ADAMTSL1: variants seen among roughly 807,000 people sequenced by gnomAD.
ADAMTSL1 encodes ADAMTS like 1.
ADAMTSL1 carries 126 observed loss-of-function variants against 201.8 expected under a neutral mutation model. The ratio of observed to expected loss-of-function variants is 0.62; its 90% CI spans 0.54 to 0.72. The LOEUF is 0.72. Ranked by LOEUF, ADAMTSL1 falls within the 30% of genes least tolerant of loss-of-function variation. ADAMTSL1 has a pLI of 0.00. For missense variants in ADAMTSL1, 2,679 were observed against 2,277.8 expected (o/e 1.18, Z -3.59); for synonymous variants, 1,121 against 903.4 (o/e 1.24, Z -4.32).
intron 1 of ADAMTSL1, among the ~76,000 whole-genome samples, chr9:18,066,237 AT>A (rs753419984): frequency 6.6e-6 from 1 of 152,126 alleles, no homozygotes; most frequent in Non-Finnish European, 1.5e-5. Flanking sequence ...CTGCTGTATA[AT>A]AAAGATTTTG....
chr9:17,979,237 A>G (rs1444332761), intron 1 of ADAMTSL1, among the ~76,000 whole-genome samples: 1 of 151,920 alleles, frequency 6.6e-6, no homozygotes, highest in Non-Finnish European at 1.5e-5. Flanking sequence ...GTTTCCAGTC[A>G]TTATTTCTTT....
intron 1 of ADAMTSL1, among the ~76,000 whole-genome samples, chr9:18,125,182 G>C (rs923762440): frequency 5.9e-5 from 9 of 152,190 alleles, no homozygotes; most frequent in African/African-American, 1.9e-4. Context: ...AATCATGGTG[G>C]AAGGCAAGGA....
chr9:18,500,117 G>C (rs1822757010), intron 1 of ADAMTSL1, among the ~76,000 whole-genome samples: 8 of 152,122 alleles, frequency 5.3e-5, no homozygotes, highest in Admixed American at 5.2e-4. Flanking sequence ...GTGTCTATTG[G>C]GCAGTGAGCT....
intron 28 of ADAMTSL1, chr9:18,907,226 G>T: frequency 2.7e-6 from 1 of 368,868 alleles, no homozygotes; most frequent in South Asian, 3.5e-5. Context: ...TGCCCACAGG[G>T]TCTGACTCAT....
At chr9:18,598,509 C>G (rs1323213104) in intron 4 of ADAMTSL1, among the ~76,000 whole-genome samples, 1 of 151,964 alleles carries the variant, frequency 6.6e-6, no homozygotes, top group African/African-American at 2.4e-5. Context: ...TTGTTTGTCC[C>G]TTTCACCATT....
At chr9:18,820,137 G>A (rs1466633716) in intron 21 of ADAMTSL1, among the ~76,000 whole-genome samples, 1 of 152,084 alleles carries the variant, frequency 6.6e-6, no homozygotes, top group Non-Finnish European at 1.5e-5. Context: ...CAGGGAAGAG[G>A]GACTCCATAA....
chr9:18,318,459 A>G (rs1346889516), intron 2 of ADAMTSL1, among the ~76,000 whole-genome samples: 2 of 152,232 alleles, frequency 1.3e-5, no homozygotes, highest in African/African-American at 4.8e-5. Flanking sequence ...GCAGTAATCT[A>G]CGTTTCAGCA....
intron 3 of ADAMTSL1, among the ~76,000 whole-genome samples, chr9:18,572,438 C>G (rs1335338106): frequency 6.6e-6 from 1 of 152,030 alleles, no homozygotes; most frequent in Non-Finnish European, 1.5e-5. Flanking sequence ...TCTTTTCAGA[C>G]AATATTCAAA....
In ADAMTSL1 at chr9:18,781,890, AT is replaced by A. The variant is rs1350054401; in HGVS notation, c.3677+3987del. Among the ~76,000 whole-genome samples the A allele has an allele frequency of 7.2e-5, 11 of 152,328 alleles. No individual in the cohort carries two copies. In the South Asian group the frequency reaches 2.3e-3, roughly 32 times the overall value. On this transcript the variant is annotated intron_variant, in intron 19 of 28. Coordinates refer to ENST00000380548, the MANE Select transcript of ADAMTSL1 (RefSeq NM_001040272.6). ...TTGCTTTTAAATATTCCAAAGTTTG[AT>A]TTGAAAGAATTTAGTTTTAGAAAAG... is the stretch of plus-strand genomic sequence containing the variant.
At chr9:18,822,258 A>G (rs1285258507) in intron 21 of ADAMTSL1, among the ~76,000 whole-genome samples, 1 of 152,144 alleles carries the variant, frequency 6.6e-6, no homozygotes, top group Non-Finnish European at 1.5e-5. Context: ...AGCAGGCTAG[A>G]AAAGATCATC....
chr9:18,066,805 C>T (rs1245840455), intron 1 of ADAMTSL1, among the ~76,000 whole-genome samples: 3 of 152,044 alleles, frequency 2.0e-5, no homozygotes, highest in African/African-American at 7.2e-5. Context: ...TACTATGCAG[C>T]CATAAAAAAT....
At chr9:18,129,741 T>C (rs185123207) in intron 1 of ADAMTSL1, among the ~76,000 whole-genome samples, 5 of 152,324 alleles carry the variant, frequency 3.3e-5, no homozygotes, top group African/African-American at 1.2e-4. Context: ...AAATTCCTTT[T>C]CAACCCTGAG....
At position 18,588,420 on chromosome 9, in the gene ADAMTSL1, T is replaced by C. The variant is rs987142312; in HGVS notation, c.474+14154T>C. Among the ~76,000 whole-genome samples the C allele has an allele frequency of 1.7e-4, 26 of 151,932 alleles. 1 individual carries two copies. The highest frequency in any genetic ancestry group is 3.1e-4 in the African/African-American group (13 of 41,444). ...TTTCTCCCGTTCTGTAAGTTGGCTT[T>C]TCCCTTTTTGTTTTCTTTGCTGTGC... is the stretch of plus-strand genomic sequence containing the variant. On this transcript the variant is annotated intron_variant, in intron 4 of 28. Coordinates refer to ENST00000380548, the MANE Select transcript of ADAMTSL1 (RefSeq NM_001040272.6).
At chr9:18,762,275 G>T (rs1257508149) in intron 16 of ADAMTSL1, among the ~76,000 whole-genome samples, 2 of 152,254 alleles carry the variant, frequency 1.3e-5, no homozygotes, top group East Asian at 3.9e-4. Flanking sequence ...TCTAGGTCAG[G>T]GTGGGTTGGA....
intron 2 of ADAMTSL1, among the ~76,000 whole-genome samples, chr9:18,221,599 A>C (rs1291287082): frequency 1.3e-5 from 2 of 152,096 alleles, no homozygotes. Context: ...CTTTTGCTAC[A>C]TTATGCATGT....
intron 2 of ADAMTSL1, among the ~76,000 whole-genome samples, chr9:18,269,837 T>G (rs566725469): frequency 8.7e-6 from 1 of 115,098 alleles, no homozygotes; most frequent in South Asian, 3.4e-4. Flanking sequence ...GTTTGTTTCC[T>G]CTTCATCCTT....
chr9:17,921,298 C>A (rs1826289103), intron 1 of ADAMTSL1, among the ~76,000 whole-genome samples: 1 of 152,150 alleles, frequency 6.6e-6, no homozygotes, highest in Admixed American at 6.5e-5. Context: ...ACCTCCAAGT[C>A]TGAAGCCCTA....
intron 3 of ADAMTSL1, among the ~76,000 whole-genome samples, chr9:18,572,151 C>T (rs533688737): frequency 1.3e-5 from 2 of 151,304 alleles, no homozygotes; most frequent in African/African-American, 2.4e-5. Context: ...GCCGAGATCA[C>T]GCCACTACAC....
intron 2 of ADAMTSL1, among the ~76,000 whole-genome samples, chr9:18,279,618 G>C (rs561105783): frequency 1.3e-5 from 2 of 151,892 alleles, no homozygotes; most frequent in African/African-American, 4.8e-5. Flanking sequence ...TAAGTCACTA[G>C]TAACTGGACC....
Sources: gnomAD v4.1 joint callset for allele counts (sites outside exome capture counted in the v4.1 genomes callset) on GRCh38, gnomAD v4.1.1 for gene constraint, MANE v1.5 for transcripts, NCBI Gene and HGNC (gene_info 2026-07-23, HGNC 2026-07-21) for gene names.